CRTAC1: variants seen among roughly 807,000 people sequenced by gnomAD.
The protein encoded by CRTAC1 is acidic secreted protein in cartilage.
Under a neutral mutation model 67.8 loss-of-function variants are expected in CRTAC1, and 37 were observed. That is an observed-to-expected ratio of 0.55 (90% confidence interval 0.42 to 0.72). The LOEUF (loss-of-function observed/expected upper bound fraction) is 0.72. Ranked by LOEUF, CRTAC1 falls within the 30% of genes least tolerant of loss-of-function variation. The probability of loss-of-function intolerance (pLI) is 0.00; values close to 1 mark genes in which losing one functional copy is unlikely to be tolerated. For synonymous variants in CRTAC1, 348 were observed against 371.0 expected, an observed-to-expected ratio of 0.94 and a Z score of 0.71; for missense variants, 780 against 931.6, an observed-to-expected ratio of 0.84 and a Z score of 2.12.
chr10:97,926,708 C>T (rs1431566245), intron 3 of CRTAC1, among the ~76,000 whole-genome samples: 1 of 152,208 alleles, frequency 6.6e-6, no homozygotes, highest in African/African-American at 2.4e-5. Flanking sequence ...ACAGGTTTTG[C>T]TATCAATTGA....
intron 2 of CRTAC1, among the ~76,000 whole-genome samples, chr10:97,987,857 C>A (rs1046260622): frequency 6.6e-6 from 1 of 152,038 alleles, no homozygotes; most frequent in African/African-American, 2.4e-5. Flanking sequence ...AGGAACAGAC[C>A]CCCTTTGCAT....
At position 97,997,230 on chromosome 10, in the gene CRTAC1, TATAATAATAATA is replaced by T. The variant is rs111567944; in HGVS notation, c.224+13896_224+13907del. 2.5e-3 allele frequency among the ~76,000 whole-genome samples: 328 copies of T among 131,744 alleles called. 2 individuals are homozygous for T. Among genetic ancestry groups the T allele is most frequent in the African/African-American group, 6.1e-3 (209 of 34,388 alleles). 86.4% of individuals were successfully genotyped at this position (131,744 alleles called of 152,430 possible). A position where few individuals can be genotyped will look rare whatever the true frequency, so the allele number is the denominator to read the frequency against. ...TGCACATGTACCCTAAAACTTAAAG[TATAATAATAATA>T]ATAATAATAATAATAATAATAATAA... is the stretch of plus-strand genomic sequence containing the variant. On this transcript the variant is annotated intron_variant, in intron 2 of 14. Coordinates refer to ENST00000370597, the MANE Select transcript of CRTAC1 (RefSeq NM_018058.7).
At chr10:97,969,532 C>G (rs564683491) in intron 2 of CRTAC1, among the ~76,000 whole-genome samples, 19 of 152,266 alleles carry the variant, frequency 1.2e-4, no homozygotes, top group African/African-American at 4.3e-4. Context: ...GATGATGACT[C>G]TTGAGATTAA....
intron 2 of CRTAC1, among the ~76,000 whole-genome samples, chr10:97,959,027 T>G (rs1590239234): frequency 6.6e-6 from 1 of 152,158 alleles, no homozygotes; most frequent in East Asian, 1.9e-4. Context: ...GCAGCGACTG[T>G]GAAAGAGCTG....
intron 1 of CRTAC1, among the ~76,000 whole-genome samples, chr10:98,018,694 C>A (rs986190059): frequency 1.8e-4 from 28 of 152,162 alleles, no homozygotes; most frequent in Non-Finnish European, 5.9e-5. Context: ...CAAGGTCACA[C>A]CCCAAGCTCT....
At chr10:97,949,106 T>C (rs189503335) in intron 2 of CRTAC1, among the ~76,000 whole-genome samples, 2 of 152,312 alleles carry the variant, frequency 1.3e-5, no homozygotes, top group Admixed American at 1.3e-4. Context: ...GGTTCACAGC[T>C]GAGAGGACAG....
intron 2 of CRTAC1, among the ~76,000 whole-genome samples, chr10:97,959,734 C>T (rs1236509615): frequency 3.3e-5 from 5 of 152,224 alleles, no homozygotes; most frequent in Non-Finnish European, 7.3e-5. Flanking sequence ...ACTGGACTCT[C>T]TCCTCTGTAT....
rs763723657 is a variant in CRTAC1, at chr10:97,895,391, C to T, written c.1340G>A (p.Arg447Gln). ...GNQGFNNNWL[R>Q]VVPRTRFGAF... Reference sequence around the variant, plus strand: ...CCCAAACCGGGTGCGTGGCACCACTCGCAGCCAGTTGTTGTTGAAGCCCTG... The same window carrying T: ...CCCAAACCGGGTGCGTGGCACCACTTGCAGCCAGTTGTTGTTGAAGCCCTG... The change falls in exon 11 of 15, where the codon CGA becomes CAA. Residue 447 changes from arginine to glutamine, a missense_variant. By Grantham distance (43) the Arg-to-Gln change is conservative. Transcript: ENST00000370597. This position sits in a 1 kb window ranked among gnomAD's most constrained non-coding sequence, Gnocchi z 4.2. 1.2e-5 allele frequency: 20 copies of T among 1,608,584 alleles called. No homozygotes were observed. Among genetic ancestry groups the T allele is most frequent in the East Asian group, 4.5e-5 (2 of 44,742 alleles).
In CRTAC1 at chr10:97,957,833, T is replaced by C. The variant is rs574767231; in HGVS notation, c.225-21467A>G. On this transcript the variant is annotated intron_variant, in intron 2 of 14. Transcript: ENST00000370597. ...TACAAAAGACACACCGAATGGGGAG[T>C]TGGGGGAGGAGATGGTGGGTGAGGG... is the stretch of plus-strand genomic sequence containing the variant. 2.0e-5 allele frequency among the ~76,000 whole-genome samples: 3 copies of C among 151,410 alleles called. No homozygotes were observed. The South Asian group carries it at 6.3e-4, about 32-fold the overall frequency.
chr10:97,992,278 A>G (rs1244179923), intron 2 of CRTAC1, among the ~76,000 whole-genome samples: 1 of 152,060 alleles, frequency 6.6e-6, no homozygotes, highest in Non-Finnish European at 1.5e-5. Context: ...TCTCCCTCCT[A>G]CTCCTTCCAT....
At position 98,015,246 on chromosome 10, in the gene CRTAC1, C is replaced by A. The variant is rs375352928; in HGVS notation, c.25-3909G>T. On this transcript the variant is annotated intron_variant, in intron 1 of 14. Transcript: ENST00000370597. ...ATTATGCTAAGTGAAATAAGCCAGT[C>A]GCAAAGGGACAAACACTGTATGTTC... Among the ~76,000 whole-genome samples the A allele has an allele frequency of 3.3e-4, 50 of 152,248 alleles. No homozygotes were observed. The South Asian group carries it at 0.01, about 32-fold the overall frequency.
At chr10:97,967,004 C>CGG (rs1195272945) in intron 2 of CRTAC1, among the ~76,000 whole-genome samples, 1 of 149,984 alleles carries the variant, frequency 6.7e-6, no homozygotes, top group Admixed American at 6.6e-5. Flanking sequence ...CCCCCCCCCC[C>CGG]CCGACATCCT....
At chr10:97,985,929 A>G (rs2051974691) in intron 2 of CRTAC1, among the ~76,000 whole-genome samples, 1 of 152,154 alleles carries the variant, frequency 6.6e-6, no homozygotes, top group South Asian at 2.1e-4. Context: ...CCAGCAAGGG[A>G]CAGAAGGCCA....
intron 3 of CRTAC1, among the ~76,000 whole-genome samples, chr10:97,925,347 TGA>T (rs1223633290): frequency 6.6e-6 from 1 of 151,716 alleles, no homozygotes; most frequent in East Asian, 2.0e-4. Context: ...GTGGTAGGTG[TGA>T]GAGTGAGACA....
At chr10:98,009,028 A>G (rs115567182) in intron 2 of CRTAC1, among the ~76,000 whole-genome samples, 157 of 152,262 alleles carry the variant, frequency 1.0e-3, no homozygotes, top group African/African-American at 3.6e-3. Context: ...TGATTCAGAG[A>G]GCAACTGGAC....
In CRTAC1 at chr10:97,897,522, T is replaced by C. The variant is rs537826443; in HGVS notation, c.1134-531A>G. 1.2e-3 allele frequency among the ~76,000 whole-genome samples: 176 copies of C among 152,306 alleles called. 1 individual carries two copies. The highest frequency in any genetic ancestry group is 2.1e-3 in the Non-Finnish European group (142 of 68,040). On this transcript the variant is annotated intron_variant, in intron 8 of 14. Transcript: ENST00000370597. The stretch of plus-strand genomic sequence containing the variant: ...GCTCTCTGCAGGCTGGGACCTTGCA[T>C]TGTTCATCTTTGCTTCTCTTGCAGT...
rs866841987 is a variant in CRTAC1 at position 97,953,187 on chromosome 10, C to G, written c.225-16821G>C. 2.2e-4 allele frequency among the ~76,000 whole-genome samples: 33 copies of G among 152,292 alleles called. 1 individual carries two copies. The highest frequency in any genetic ancestry group is 7.5e-4 in the African/African-American group (31 of 41,550). On this transcript the variant is annotated intron_variant, in intron 2 of 14. Transcript: ENST00000370597. ...CTGCAGCTCTGCCCAAGTTCAGTTC[C>G]CAAGACACAGGTCAGAAAGGGGTCA...
intron 2 of CRTAC1, among the ~76,000 whole-genome samples, chr10:97,991,087 A>C (rs1430778233): frequency 7.1e-6 from 1 of 141,708 alleles, no homozygotes; most frequent in African/African-American, 2.7e-5. Context: ...AACATACGAG[A>C]AACCATCTCT....
intron 2 of CRTAC1, among the ~76,000 whole-genome samples, chr10:97,998,872 T>C (rs894303320): frequency 2.6e-5 from 4 of 152,178 alleles, no homozygotes; most frequent in Non-Finnish European, 4.4e-5. Context: ...CTTGTATTGT[T>C]ATAGAAGGGG....
Sources: allele counts gnomAD v4.1 joint callset (sites outside exome capture counted in the v4.1 genomes callset), GRCh38; gene constraint gnomAD v4.1.1; non-coding constraint Gnocchi (gnomAD v3.1); transcripts MANE v1.5; gene names NCBI Gene and HGNC (gene_info 2026-07-23, HGNC 2026-07-21).